HS3ST5: variants seen among roughly 807,000 people sequenced by gnomAD.
The protein encoded by HS3ST5 is heparan sulfate-glucosamine 3-sulfotransferase 5.
Under a neutral mutation model 25.4 loss-of-function variants are expected in HS3ST5, and 10 were observed. The observed-to-expected ratio is 0.39, with a 90% CI of 0.24 to 0.67. The LOEUF (loss-of-function observed/expected upper bound fraction) is 0.67. HS3ST5 is among the 30% of genes least tolerant of loss of function. The pLI, the probability that HS3ST5 is intolerant of heterozygous loss-of-function variation, is 0.44. For missense variants in HS3ST5, 324 were observed against 420.7 expected (o/e 0.77, Z 2.01); for synonymous variants, 170 against 162.4 (o/e 1.05, Z -0.36).
At chr6:114,250,809 ACACTAATGCACCT>A (rs1772626233) in intron 1 of HS3ST5, among the ~76,000 whole-genome samples, 1 of 152,208 alleles carries the variant, frequency 6.6e-6, no homozygotes, top group African/African-American at 2.4e-5. Flanking sequence ...CTTAGTGTCT[ACACTAATGCACCT>A]CACTGGTACA....
At chr6:114,273,126 A>G (rs553452179) in intron 1 of HS3ST5, among the ~76,000 whole-genome samples, 1 of 152,240 alleles carries the variant, frequency 6.6e-6, no homozygotes, top group Admixed American at 6.5e-5. Context: ...AAGATATGAA[A>G]TAATGCCATT....
chr6:114,260,088 C>T (rs1773101598), intron 1 of HS3ST5, among the ~76,000 whole-genome samples: 1 of 151,960 alleles, frequency 6.6e-6, no homozygotes, highest in Non-Finnish European at 1.5e-5. Context: ...GTTCATGTAA[C>T]AAAATTATAT....
intron 1 of HS3ST5, among the ~76,000 whole-genome samples, chr6:114,332,719 C>G (rs1047726408): frequency 6.6e-6 from 1 of 151,938 alleles, no homozygotes; most frequent in African/African-American, 2.4e-5. Context: ...AACAGAGAAG[C>G]AGAAAGATAG....
chr6:114,250,753 C>A (rs1428428317), intron 1 of HS3ST5, among the ~76,000 whole-genome samples: 1 of 152,088 alleles, frequency 6.6e-6, no homozygotes, highest in East Asian at 1.9e-4. Flanking sequence ...TAACTGTATT[C>A]CAGATAAACA....
At chr6:114,181,215 A>C (rs1292761760) in intron 2 of HS3ST5, among the ~76,000 whole-genome samples, 1 of 152,184 alleles carries the variant, frequency 6.6e-6, no homozygotes, top group African/African-American at 2.4e-5. Flanking sequence ...CAAGGTGACA[A>C]ACTTGAATCC....
intron 1 of HS3ST5, among the ~76,000 whole-genome samples, chr6:114,260,581 G>A (rs1359029): frequency 0.33 from 50,364 of 152,012 alleles, 8,471 homozygotes; most frequent in East Asian, 0.4. Flanking sequence ...TGTAGACAAA[G>A]GTCATAGGGT....
At chr6:114,246,610 A>T (rs1772391478) in intron 1 of HS3ST5, among the ~76,000 whole-genome samples, 1 of 152,260 alleles carries the variant, frequency 6.6e-6, no homozygotes, top group Non-Finnish European at 1.5e-5. Context: ...CAACGCTTAT[A>T]CAGCAGTGTT....
intron 1 of HS3ST5, among the ~76,000 whole-genome samples, chr6:114,279,295 G>A (rs1440554691): frequency 6.6e-6 from 1 of 152,024 alleles, no homozygotes; most frequent in Non-Finnish European, 1.5e-5. Flanking sequence ...GCTGCTTCAG[G>A]AAATGCCCTA....
At chr6:114,128,444 G>A (rs1777157453) in intron 3 of HS3ST5, among the ~76,000 whole-genome samples, 2 of 140,062 alleles carry the variant, frequency 1.4e-5, no homozygotes, top group African/African-American at 6.6e-5. Flanking sequence ...CTGTCTACAT[G>A]TCAGGCACTT....
At chr6:114,158,946 C>T (rs1245902772) in intron 3 of HS3ST5, among the ~76,000 whole-genome samples, 1 of 152,194 alleles carries the variant, frequency 6.6e-6, no homozygotes, top group Non-Finnish European at 1.5e-5. Context: ...AATCCAGATG[C>T]AAATGCAAAT....
chr6:114,066,459 C>A (rs567548703), intron 3 of HS3ST5, among the ~76,000 whole-genome samples: 1 of 152,270 alleles, frequency 6.6e-6, no homozygotes, highest in South Asian at 2.1e-4. Flanking sequence ...CATGGTGAAA[C>A]CCCATCTCTA....
intron 1 of HS3ST5, among the ~76,000 whole-genome samples, chr6:114,314,340 C>T (rs1166704756): frequency 6.6e-6 from 1 of 152,162 alleles, no homozygotes; most frequent in Non-Finnish European, 1.5e-5. Flanking sequence ...ACTTTAACAA[C>T]CACTACTTTA....
intron 3 of HS3ST5, among the ~76,000 whole-genome samples, chr6:114,088,117 T>C (rs540276645): frequency 1.3e-5 from 2 of 152,342 alleles, no homozygotes; most frequent in African/African-American, 4.8e-5. Flanking sequence ...ATTTCCCGTT[T>C]CTTTTTACTT....
intron 1 of HS3ST5, among the ~76,000 whole-genome samples, chr6:114,265,836 C>T (rs1303694522): frequency 2.6e-5 from 4 of 152,130 alleles, no homozygotes; most frequent in Non-Finnish European, 5.9e-5. Flanking sequence ...TGGGGCATCT[C>T]TTCCCTGCCA....
At chr6:114,327,590 T>C (rs975891137) in intron 1 of HS3ST5, among the ~76,000 whole-genome samples, 3 of 152,150 alleles carry the variant, frequency 2.0e-5, no homozygotes, top group Non-Finnish European at 4.4e-5. Flanking sequence ...AACATCCAGA[T>C]AACTTAAAAC....
rs530220191 is a variant in HS3ST5, at chr6:114,327,984, T to C, written c.-339+14211A>G. On this transcript the variant is annotated intron_variant, in intron 1 of 4. Transcript: ENST00000312719. ...AATTCCATCAGTATAGGCTCACACT[T>C]AGTAAGAACTGCCAGGTGAGAGAGA... 5.9e-5 allele frequency among the ~76,000 whole-genome samples: 9 copies of C among 152,218 alleles called. 1 individual carries two copies. In the South Asian group the frequency reaches 8.3e-4, roughly 14 times the overall value.
intron 3 of HS3ST5, among the ~76,000 whole-genome samples, chr6:114,101,669 T>C (rs1775740324): frequency 6.6e-6 from 1 of 152,342 alleles, no homozygotes; most frequent in Admixed American, 6.5e-5. Flanking sequence ...AAAACAGAAT[T>C]ATCATTTGAC....
chr6:114,321,009 C>A (rs2114879634), intron 1 of HS3ST5, among the ~76,000 whole-genome samples: 1 of 151,518 alleles, frequency 6.6e-6, no homozygotes, highest in South Asian at 2.1e-4. Flanking sequence ...GGCAGTCATG[C>A]TGTCTTAACT....
chr6:114,278,981 A>C (rs1373942066), intron 1 of HS3ST5, among the ~76,000 whole-genome samples: 1 of 152,000 alleles, frequency 6.6e-6, no homozygotes. Flanking sequence ...CTCTTTTTCT[A>C]CTTTACTGCA....
Sources: allele counts gnomAD v4.1 joint callset (sites outside exome capture counted in the v4.1 genomes callset), GRCh38; gene constraint gnomAD v4.1.1; transcripts MANE v1.5; gene names NCBI Gene and HGNC (gene_info 2026-07-23, HGNC 2026-07-21).